Variants in LSM3 observed in about 807,000 individuals in gnomAD.
LSM3 encodes the protein U6 snRNA-associated Sm-like protein LSm3.
A neutral mutation model predicts 15.4 loss-of-function variants in LSM3; 14 were observed. The ratio of observed to expected loss-of-function variants is 0.91; its 90% CI spans 0.60 to 1.42. LSM3 has a LOEUF of 1.42. Ranked by LOEUF, LSM3 falls within the 40% of genes most tolerant of loss-of-function variation. The pLI is 0.00. For missense variants in LSM3, 88 were observed against 127.9 expected (o/e 0.69, Z 1.50); for synonymous variants, 46 against 45.1 (o/e 1.02, Z -0.08).
At chr3:14,186,610 TTTAC>T (rs1185779928) in intron 3 of LSM3, among the ~76,000 whole-genome samples, 1 of 152,218 alleles carries the variant, frequency 6.6e-6, no homozygotes, top group African/African-American at 2.4e-5. Context: ...TTTTAAAATT[TTTAC>T]TTATTTATTT....
intron 3 of LSM3, among the ~76,000 whole-genome samples, chr3:14,184,483 G>A (rs192738389): frequency 3.2e-3 from 485 of 152,142 alleles, no homozygotes; most frequent in African/African-American, 0.011. Context: ...GGCCGGGCGC[G>A]GTGGCTCACG....
At chr3:14,180,822 T>C (rs13092425) in intron 1 of LSM3, among the ~76,000 whole-genome samples, 5 of 36,562 alleles carry the variant, frequency 1.4e-4, no homozygotes, top group East Asian at 8.7e-4. Context: ...CTTGCTTGCC[T>C]TTTTTTTTTT....
chr3:14,184,459 A>G (rs573224487), intron 3 of LSM3, among the ~76,000 whole-genome samples: 2 of 152,350 alleles, frequency 1.3e-5, no homozygotes, highest in South Asian at 2.1e-4. Flanking sequence ...ATATTTATTC[A>G]TTAAAAAAAC....
chr3:14,188,900 G>C (rs1478499917), intron 3 of LSM3, among the ~76,000 whole-genome samples: 3 of 151,914 alleles, frequency 2.0e-5, no homozygotes. Flanking sequence ...GTGGTTTGCT[G>C]CACCCATCAA....
At chr3:14,188,721 T>C (rs1470334133) in intron 3 of LSM3, among the ~76,000 whole-genome samples, 2 of 151,206 alleles carry the variant, frequency 1.3e-5, no homozygotes, top group African/African-American at 4.9e-5. Flanking sequence ...TGTACCATAA[T>C]TTAACTGTTT....
intron 3 of LSM3, among the ~76,000 whole-genome samples, chr3:14,187,478 A>T (rs1697099599): frequency 6.6e-6 from 1 of 152,232 alleles, no homozygotes; most frequent in Non-Finnish European, 1.5e-5. Context: ...TTTAGTGTGT[A>T]AATGTGTATT....
At position 14,180,854 on chromosome 3, in the gene LSM3, TTTTA is replaced by T. The variant is rs1559390227; in HGVS notation, c.22-705_22-702del. On this transcript the variant is annotated intron_variant, in intron 1 of 3. Coordinates refer to ENST00000306024, the MANE Select transcript of LSM3 (RefSeq NM_014463.3). The stretch of plus-strand genomic sequence containing the variant: ...TTTTTTTTTTTTTTTTTTTTTTTTT[TTTTA>T]AAAAAAAAAAAGACAAGAGTCTCAC... Among the ~76,000 whole-genome samples the T allele has an allele frequency of 2.3e-4, 19 of 83,868 alleles. 1 individual carries two copies. Among genetic ancestry groups the T allele is most frequent in the African/African-American group, 1.0e-3 (18 of 17,698 alleles). The allele number at this position is 83,868 out of a possible 152,430, so 55.0% of individuals were successfully genotyped here.
chr3:14,197,605 AG>A (rs1371487294), intron 3 of LSM3, among the ~76,000 whole-genome samples: 2 of 152,228 alleles, frequency 1.3e-5, no homozygotes, highest in Non-Finnish European at 2.9e-5. Context: ...TCAAGGACCC[AG>A]GCTTCACCTA....
chr3:14,195,898 G>A (rs1189043918), intron 3 of LSM3, among the ~76,000 whole-genome samples: 1 of 151,798 alleles, frequency 6.6e-6, no homozygotes, highest in East Asian at 1.9e-4. Context: ...GGCATGTGCT[G>A]TGTTTCCTTT....
chr3:14,180,670 G>A (rs1697026134), intron 1 of LSM3, among the ~76,000 whole-genome samples: 1 of 151,912 alleles, frequency 6.6e-6, no homozygotes, highest in Non-Finnish European at 1.5e-5. Context: ...ATCCTCATAA[G>A]AACCCAGAAA....
intron 3 of LSM3, among the ~76,000 whole-genome samples, chr3:14,190,426 G>A (rs1323312130): frequency 3.3e-5 from 5 of 152,172 alleles, no homozygotes; most frequent in Non-Finnish European, 7.3e-5. Context: ...CTATCCATGA[G>A]CATGGAATCT....
chr3:14,181,391 T>G (rs1387384275), intron 1 of LSM3, among the ~76,000 whole-genome samples, 169 bp from the exon 2 acceptor site: 1 of 152,218 alleles, frequency 6.6e-6, no homozygotes, highest in Non-Finnish European at 1.5e-5. Context: ...GTATATCACT[T>G]AAGCCTCACA....
intron 3 of LSM3, among the ~76,000 whole-genome samples, chr3:14,189,164 G>T (rs1697116843): frequency 6.6e-6 from 1 of 152,144 alleles, no homozygotes; most frequent in South Asian, 2.1e-4. Flanking sequence ...AGTATTCCAT[G>T]GTGTATATGT....
chr3:14,195,197 A>G (rs1306106842), intron 3 of LSM3, among the ~76,000 whole-genome samples: 1 of 152,206 alleles, frequency 6.6e-6, no homozygotes, highest in East Asian at 1.9e-4. Context: ...GCCAGTGGGA[A>G]CAAAAAGGAG....
In LSM3 at chr3:14,200,707, GTTAAAC is replaced by G. The variant is rs1278470523; in HGVS notation, c.*2596_*2601del. 27 of 152,184 alleles carry G rather than the reference GTTAAAC, an allele frequency of 1.8e-4. No individual in the cohort carries two copies. The highest frequency in any genetic ancestry group is 7.7e-4 in the East Asian group (4 of 5,196). 9.4% of individuals were successfully genotyped at this position (152,184 alleles called of 1,614,324 possible). Reference sequence around the variant, plus strand: ...ATGAAAAGTAACTTGAGTATCCCAAGTTAAACTTAATCATTAGCTGCAAATGGACGA... The same window carrying G: ...ATGAAAAGTAACTTGAGTATCCCAAGTTAATCATTAGCTGCAAATGGACGA... On this transcript the variant is annotated 3_prime_UTR_variant, in exon 4 of 4. Coordinates refer to ENST00000306024, the MANE Select transcript of LSM3 (RefSeq NM_014463.3).
At chr3:14,197,270 C>T (rs1259498864) in intron 3 of LSM3, among the ~76,000 whole-genome samples, 2 of 152,254 alleles carry the variant, frequency 1.3e-5, no homozygotes, top group Non-Finnish European at 2.9e-5. Flanking sequence ...ATACATTAGG[C>T]TAACAGCAAC....
intron 3 of LSM3, among the ~76,000 whole-genome samples, chr3:14,185,997 C>T (rs554374094): frequency 2.5e-4 from 38 of 152,188 alleles, no homozygotes; most frequent in South Asian, 1.2e-3. Flanking sequence ...CTGCAGCCTC[C>T]GCCTCCCAGG....
At chr3:14,187,666 G>A (rs1446401645) in intron 3 of LSM3, among the ~76,000 whole-genome samples, 2 of 151,990 alleles carry the variant, frequency 1.3e-5, no homozygotes, top group Non-Finnish European at 2.9e-5. Flanking sequence ...TCTCTCTCTC[G>A]TCTATTGAAA....
intron 3 of LSM3, among the ~76,000 whole-genome samples, chr3:14,193,761 T>G (rs1697163093): frequency 6.6e-6 from 1 of 152,190 alleles, no homozygotes. Flanking sequence ...ATTACCCACC[T>G]TCTGAAGCCT....
Sources: allele counts gnomAD v4.1 joint callset (sites outside exome capture counted in the v4.1 genomes callset), GRCh38; gene constraint gnomAD v4.1.1; transcripts MANE v1.5; gene names NCBI Gene and HGNC (gene_info 2026-07-23, HGNC 2026-07-21).